KDM4C: variants seen among roughly 807,000 people sequenced by gnomAD.
KDM4C encodes the protein lysine demethylase 4C, also known as lysine-specific demethylase 4C.
Under a neutral mutation model 129.3 loss-of-function variants are expected in KDM4C, and 81 were observed. The ratio of observed to expected loss-of-function variants is 0.63; its 90% CI spans 0.52 to 0.75. The LOEUF (loss-of-function observed/expected upper bound fraction) is 0.75. Ranked by LOEUF, KDM4C falls within the 30% of genes least tolerant of loss-of-function variation. The pLI is 0.00. For synonymous variants in KDM4C, 573 were observed against 456.1 expected (o/e 1.26, Z -3.26); for missense variants, 1,457 against 1,304.0 (o/e 1.12, Z -1.81).
At chr9:7,034,527 G>C (rs1385993235) in intron 15 of KDM4C, among the ~76,000 whole-genome samples, 1 of 152,172 alleles carries the variant, frequency 6.6e-6, no homozygotes, top group East Asian at 1.9e-4. Flanking sequence ...CAAATGACAA[G>C]ATTTCATTCC....
At chr9:7,148,908 A>G (rs1842465577) in intron 19 of KDM4C, among the ~76,000 whole-genome samples, 1 of 152,188 alleles carries the variant, frequency 6.6e-6, no homozygotes, top group Admixed American at 6.5e-5. Flanking sequence ...CTAAAACTTC[A>G]TCAAGGAAGT....
intron 12 of KDM4C, among the ~76,000 whole-genome samples, chr9:6,995,127 G>C (rs768152276): frequency 2.7e-5 from 4 of 149,196 alleles, no homozygotes; most frequent in Non-Finnish European, 5.9e-5. Flanking sequence ...TTAGAGAATG[G>C]GTTTTTTCCT....
intron 17 of KDM4C, among the ~76,000 whole-genome samples, chr9:7,072,144 T>C (rs1833283495): frequency 6.6e-6 from 1 of 152,188 alleles, no homozygotes; most frequent in African/African-American, 2.4e-5. Flanking sequence ...TTAAGATAAC[T>C]GACAGTGTCA....
chr9:6,762,438 C>T (rs1215617213), intron 1 of KDM4C, among the ~76,000 whole-genome samples: 1 of 151,972 alleles, frequency 6.6e-6, no homozygotes, highest in African/African-American at 2.4e-5. Context: ...TCCCACAGTT[C>T]TGGGATTACA....
chr9:6,984,285 T>G lies in KDM4C; in HGVS notation c.1235T>G (p.Val412Gly). 1 of 1,613,966 alleles carries G rather than the reference T, an allele frequency of 6.2e-7. No homozygotes were observed. The highest frequency in any genetic ancestry group is 8.5e-7 in the Non-Finnish European group (1 of 1,179,926). The stretch of plus-strand genomic sequence containing the variant: ...GACTCAGTCACAGATGACCTCAAGG[T>G]CAGTGAAAAGTCAGAAGCAGCAGTG... The part of the protein sequence containing the change: ...NPDSVTDDLK[V>G]SEKSEAAVKL... The change falls in exon 10 of 22, where the codon GTC becomes GGC. Residue 412 changes from valine (V) to glycine (G), a missense_variant. Coordinates refer to ENST00000381309, the MANE Select transcript of KDM4C (RefSeq NM_015061.6).
rs984150283 is a variant in KDM4C, at chr9:7,174,956, A to C, written c.*227A>C. 1 of 429,678 alleles carries C rather than the reference A, an allele frequency of 2.3e-6. No homozygotes were observed. The highest frequency in any genetic ancestry group is 3.3e-5 in the East Asian group (1 of 30,386). 26.6% of individuals were successfully genotyped at this position (429,678 alleles called of 1,614,324 possible). A position where few individuals can be genotyped will look rare whatever the true frequency, so the allele number is the denominator to read the frequency against. ...TCTAGTCTTGCTTTCACTTGTGAGC[A>C]GTTGTCTTCTATGATCCCAAAGAAG... On this transcript the variant is annotated 3_prime_UTR_variant, in exon 22 of 22. Transcript: ENST00000381309.
At chr9:6,873,121 C>T (rs111524545) in intron 5 of KDM4C, among the ~76,000 whole-genome samples, 1,701 of 152,178 alleles carry the variant, frequency 0.011, 36 homozygotes, top group African/African-American at 0.039. Context: ...CCCAGACTCC[C>T]GATTAGCTGA....
chr9:7,063,371 A>G (rs1298221046), intron 17 of KDM4C, among the ~76,000 whole-genome samples: 2 of 152,220 alleles, frequency 1.3e-5, no homozygotes, highest in African/African-American at 2.4e-5. Flanking sequence ...CATAAGAACA[A>G]AGAGGTAAAT....
At chr9:6,931,370 T>G (rs1589165473) in intron 8 of KDM4C, among the ~76,000 whole-genome samples, 1 of 152,126 alleles carries the variant, frequency 6.6e-6, no homozygotes. Context: ...AATTTGCTTA[T>G]TACCTCTTCA....
At chr9:6,906,463 A>G (rs558301425) in intron 8 of KDM4C, among the ~76,000 whole-genome samples, 12 of 152,174 alleles carry the variant, frequency 7.9e-5, no homozygotes, top group East Asian at 5.8e-4. Context: ...TTCTGCCTCA[A>G]TGGTTTTGTC....
chr9:7,001,198 A>C (rs1419563766), intron 12 of KDM4C, among the ~76,000 whole-genome samples: 2 of 152,216 alleles, frequency 1.3e-5, no homozygotes, highest in East Asian at 3.8e-4. Flanking sequence ...TGAACCTATA[A>C]ATTCTGGATT....
At chr9:6,918,265 A>G (rs1485730599) in intron 8 of KDM4C, among the ~76,000 whole-genome samples, 3 of 152,202 alleles carry the variant, frequency 2.0e-5, no homozygotes, top group Non-Finnish European at 2.9e-5. Flanking sequence ...AAGTGAGAAC[A>G]TGTGGTATTT....
At chr9:7,110,470 T>A (rs1439131805) in intron 18 of KDM4C, among the ~76,000 whole-genome samples, 2 of 152,232 alleles carry the variant, frequency 1.3e-5, no homozygotes, top group Admixed American at 6.5e-5. Flanking sequence ...TCTCCTTTCC[T>A]AAGTGATGCC....
intron 8 of KDM4C, among the ~76,000 whole-genome samples, chr9:6,934,610 C>A (rs1256703264): frequency 6.6e-6 from 1 of 151,680 alleles, no homozygotes; most frequent in Non-Finnish European, 1.5e-5. Context: ...ACTACAGGCA[C>A]GCGCCACCAT....
chr9:6,811,055 G>T (rs1831051112), intron 3 of KDM4C, among the ~76,000 whole-genome samples: 1 of 152,144 alleles, frequency 6.6e-6, no homozygotes, highest in South Asian at 2.1e-4. Flanking sequence ...AAGAACCAAT[G>T]CTCTTACTTG....
At position 7,083,418 on chromosome 9, in the gene KDM4C, A is replaced by G. The variant is rs192948658; in HGVS notation, c.2425-20267A>G. On this transcript the variant is annotated intron_variant, in intron 17 of 21. Transcript: ENST00000381309. ...AATGGGGATGCATTCTGAGAAGTGCATCATTACGCAGTTTTGTCTGTGTGC... is the reference window on the plus strand; with the variant it reads ...AATGGGGATGCATTCTGAGAAGTGCGTCATTACGCAGTTTTGTCTGTGTGC... Among the ~76,000 whole-genome samples, 412 of 152,326 alleles carry G rather than the reference A, an allele frequency of 2.7e-3. 10 individuals carry two copies. The highest frequency in any genetic ancestry group is 0.025 in the East Asian group (130 of 5,184).
chr9:6,755,799 C>G (rs1203105836), upstream of KDM4C, among the ~76,000 whole-genome samples: 1 of 152,144 alleles, frequency 6.6e-6, no homozygotes, highest in Non-Finnish European at 1.5e-5. Context: ...GGACACAAGA[C>G]TGCCCTCAGT....
intron 1 of KDM4C, among the ~76,000 whole-genome samples, chr9:6,760,445 G>GTATATATATATATATATATATATATATA (rs60954996): frequency 1.4e-5 from 2 of 142,524 alleles, no homozygotes; most frequent in African/African-American, 5.2e-5. Context: ...CTACTCTTGG[G>GTATATATATATATATATATATATATATA]TATATATATA....
intron 4 of KDM4C, chr9:6,835,354 G>A (rs1162112844): frequency 2.9e-6 from 3 of 1,048,108 alleles, no homozygotes; most frequent in East Asian, 2.4e-5. Flanking sequence ...GCTGTCTGGC[G>A]GCACCACCAT....
Sources: gnomAD v4.1 joint callset for allele counts (sites outside exome capture counted in the v4.1 genomes callset) on GRCh38, gnomAD v4.1.1 for gene constraint, MANE v1.5 for transcripts, NCBI Gene and HGNC (gene_info 2026-07-23, HGNC 2026-07-21) for gene names.